Variants in AGBL1 observed in about 807,000 individuals in gnomAD.
AGBL1 encodes the protein AGBL carboxypeptidase 1.
Under a neutral mutation model 118.9 loss-of-function variants are expected in AGBL1, and 130 were observed. The ratio of observed to expected loss-of-function variants is 1.09; its 90% CI spans 0.95 to 1.26. The LOEUF is 1.26. Among genes scored for constraint, AGBL1 ranks in the 50% most tolerant of loss-of-function variants. The pLI is 0.00. For missense variants in AGBL1, 1,584 were observed against 1,298.1 expected, an observed-to-expected ratio of 1.22 and a Z score of -3.38; for synonymous variants, 555 against 478.9, an observed-to-expected ratio of 1.16 and a Z score of -2.08.
intron 23 of AGBL1, among the ~76,000 whole-genome samples, chr15:86,963,677 G>T (rs2081016900): frequency 6.6e-6 from 1 of 151,950 alleles, no homozygotes; most frequent in Non-Finnish European, 1.5e-5. Flanking sequence ...AGTGTAGTCT[G>T]TAGGTTAGAG....
intron 24 of AGBL1, among the ~76,000 whole-genome samples, chr15:87,017,622 C>A (rs2081620690): frequency 6.6e-6 from 1 of 152,022 alleles, no homozygotes; most frequent in Non-Finnish European, 1.5e-5. Flanking sequence ...CAAAAAGATC[C>A]CACAAAAACT....
intron 23 of AGBL1, among the ~76,000 whole-genome samples, chr15:86,938,525 A>G (rs2080705985): frequency 6.6e-6 from 1 of 152,170 alleles, no homozygotes; most frequent in Admixed American, 6.5e-5. Flanking sequence ...CGTATTTCCA[A>G]CTAATATGGA....
At chr15:86,104,809 C>G (rs909292080) in intron 1 of AGBL1, among the ~76,000 whole-genome samples, 1 of 152,100 alleles carries the variant, frequency 6.6e-6, no homozygotes, top group Non-Finnish European at 1.5e-5. Context: ...GTTGTGGGAC[C>G]CAGTGCGAGC....
chr15:86,923,385 A>G (rs1175434335), intron 23 of AGBL1, among the ~76,000 whole-genome samples: 1 of 152,172 alleles, frequency 6.6e-6, no homozygotes, highest in Non-Finnish European at 1.5e-5. Flanking sequence ...TTTCAGGCAG[A>G]GTGGCCTATT....
intron 5 of AGBL1, among the ~76,000 whole-genome samples, chr15:86,205,114 T>C (rs1288963556): frequency 2.6e-5 from 4 of 152,238 alleles, no homozygotes; most frequent in Non-Finnish European, 5.9e-5. Flanking sequence ...TTGGGGGTAA[T>C]GTCATCCTTT....
intron 1 of AGBL1, among the ~76,000 whole-genome samples, chr15:86,125,709 A>G (rs927732633): frequency 9.9e-5 from 15 of 152,194 alleles, no homozygotes; most frequent in East Asian, 1.9e-4. Flanking sequence ...ATCTCTGCAT[A>G]TTAGTGTCCC....
At chr15:86,973,563 C>T (rs147078591) in intron 23 of AGBL1, among the ~76,000 whole-genome samples, 2,637 of 151,924 alleles carry the variant, frequency 0.017, 40 homozygotes, top group Middle Eastern at 0.048. Context: ...GTCAATCATC[C>T]AAAAGCATCT....
At position 86,264,628 on chromosome 15, in the gene AGBL1, C is replaced by T; in HGVS notation, c.1457C>T (p.Thr486Ile). The change falls in exon 11 of 23, where the codon ACT becomes ATT. Residue 486 changes from threonine to isoleucine, a missense_variant. Transcript: ENST00000614907. ...PRMSASFSNS[T>I]RTREVVKVID... ...ATGAGTGCCTCCTTTTCTAATTCCACTAGGACTAGAGAAGTTGTCAAAGTA... is the reference window on the plus strand; with the variant it reads ...ATGAGTGCCTCCTTTTCTAATTCCATTAGGACTAGAGAAGTTGTCAAAGTA... 6.2e-7 allele frequency: 1 copy of T among 1,613,782 alleles called. No individual in the cohort carries two copies.
intron 16 of AGBL1, among the ~76,000 whole-genome samples, chr15:86,285,820 A>G (rs1496890): frequency 6.6e-6 from 1 of 152,078 alleles, no homozygotes; most frequent in East Asian, 1.9e-4. Context: ...CTCGTCCAAC[A>G]TTTGCTGCTT....
intron 22 of AGBL1, among the ~76,000 whole-genome samples, chr15:86,780,498 C>T (rs747787962): frequency 1.3e-5 from 2 of 152,100 alleles, no homozygotes; most frequent in African/African-American, 4.8e-5. Context: ...TATAAACTCC[C>T]ACCAAAAGTA....
At chr15:86,747,968 A>G (rs2077782520) in intron 22 of AGBL1, among the ~76,000 whole-genome samples, 1 of 152,152 alleles carries the variant, frequency 6.6e-6, no homozygotes, top group Non-Finnish European at 1.5e-5. Context: ...TAGCAGCATG[A>G]TTTATAATCG....
chr15:86,993,441 T>A (rs1217785675), intron 24 of AGBL1, among the ~76,000 whole-genome samples: 2 of 152,228 alleles, frequency 1.3e-5, no homozygotes, highest in Non-Finnish European at 2.9e-5. Flanking sequence ...GGGTGTATTA[T>A]GAATAGGCAG....
chr15:86,340,810 C>T (rs192587002), intron 17 of AGBL1, among the ~76,000 whole-genome samples: 1 of 152,112 alleles, frequency 6.6e-6, no homozygotes, highest in South Asian at 2.1e-4. Flanking sequence ...CTCTGATGAT[C>T]CCCAAAGGAG....
At position 86,571,457 on chromosome 15, in the gene AGBL1, T is replaced by C. The variant is rs140942639; in HGVS notation, c.2994+16920T>C. The stretch of plus-strand genomic sequence containing the variant: ...GCCCACAGTAGGCAGCTCCTCTCCA[T>C]AGTCAGGGTGTCCCAACAAGTGTGC... On this transcript the variant is annotated intron_variant, in intron 21 of 22. Transcript: ENST00000614907. 3.4e-4 allele frequency among the ~76,000 whole-genome samples: 52 copies of C among 152,224 alleles called. No homozygotes were observed. The East Asian group carries it at 0.01, about 30-fold the overall frequency.
chr15:86,846,266 G>T (rs1736357361), intron 22 of AGBL1, among the ~76,000 whole-genome samples: 2 of 152,282 alleles, frequency 1.3e-5, no homozygotes, highest in Admixed American at 6.5e-5. Context: ...GAAGGATAGT[G>T]TTCCTGGATA....
intron 23 of AGBL1, among the ~76,000 whole-genome samples, chr15:86,968,152 G>A (rs1005818556): frequency 5.3e-5 from 8 of 151,924 alleles, no homozygotes; most frequent in Middle Eastern, 3.4e-3. Context: ...TGCAGAAAGA[G>A]GGTCACCCAA....
intron 18 of AGBL1, among the ~76,000 whole-genome samples, chr15:86,445,064 C>T (rs894983314): frequency 6.6e-5 from 10 of 152,240 alleles, no homozygotes; most frequent in Non-Finnish European, 1.5e-4. Flanking sequence ...TGAAAAAAAT[C>T]TGTATTATTA....
Position 86,810,167 on chromosome 15 carries a change from G to A in AGBL1, c.3159-96920G>A, listed in dbSNP as rs116874589. The stretch of plus-strand genomic sequence containing the variant: ...AAACCACATCAGTCTTCCTTTCCTC[G>A]GGACTAAGTAGATTCTTAGTTCTGC... On this transcript the variant is annotated intron_variant, in intron 22 of 22. Transcript: ENST00000614907. Among the ~76,000 whole-genome samples, 351 of 152,120 alleles carry A rather than the reference G, an allele frequency of 2.3e-3. 13 individuals are homozygous for A. In the East Asian group the frequency reaches 0.062, roughly 27 times the overall value.
chr15:86,812,896 T>C (rs1043268420), intron 22 of AGBL1, among the ~76,000 whole-genome samples: 6 of 152,076 alleles, frequency 3.9e-5, no homozygotes, highest in African/African-American at 1.4e-4. Flanking sequence ...TTTGCAGTTA[T>C]ATATATATGC....
Sources: allele counts gnomAD v4.1 joint callset (sites outside exome capture counted in the v4.1 genomes callset), GRCh38; gene constraint gnomAD v4.1.1; transcripts MANE v1.5; gene names NCBI Gene and HGNC (gene_info 2026-07-23, HGNC 2026-07-21).